Variants in UMODL1 observed in about 807,000 individuals in gnomAD.
The protein encoded by UMODL1 is uromodulin-like 1.
UMODL1 carries 128 observed loss-of-function variants against 136.3 expected under a neutral mutation model. That is an observed-to-expected ratio of 0.94 (90% CI 0.81 to 1.09). The LOEUF is 1.09. UMODL1 is among the 50% of genes least tolerant of loss of function. The probability of loss-of-function intolerance (pLI) is 0.00; values close to 1 mark genes in which losing one functional copy is unlikely to be tolerated. For missense variants in UMODL1, 1,766 were observed against 1,725.6 expected (o/e 1.02, Z -0.41); for synonymous variants, 721 against 720.0 (o/e 1.00, Z -0.02).
Position 42,111,587 on chromosome 21 carries a change from A to C in UMODL1, c.1981A>C (p.Thr661Pro). ...CACCGGCCACTTCCTGTGGCATGCCACCCGTTCCACCCGGGAAACACTTCT... is the reference window on the plus strand; with the variant it reads ...CACCGGCCACTTCCTGTGGCATGCCCCCCGTTCCACCCGGGAAACACTTCT... ...DPTGHFLWHA[T>P]RSTRETLLNP... Residue 661 changes from threonine (T) to proline (P), a missense_variant, in exon 12 of 23, where the codon ACC becomes CCC. Thr to Pro is a conservative substitution (Grantham distance 38, BLOSUM62 -1). Transcript: ENST00000408910. 1.2e-6 allele frequency: 2 copies of C among 1,613,950 alleles called. No individual in the cohort carries two copies. The highest frequency in any genetic ancestry group is 1.7e-6 in the Non-Finnish European group (2 of 1,179,956).
chr21:42,115,280 C>T (rs220139), intron 13 of UMODL1, among the ~76,000 whole-genome samples: 67,447 of 152,102 alleles, frequency 0.44, 16,233 homozygotes, highest in Non-Finnish European at 0.53. Context: ...GCCACATACT[C>T]CTAGAAGCCC....
intron 1 of UMODL1, among the ~76,000 whole-genome samples, chr21:42,064,337 G>A (rs537138045): frequency 1.6e-4 from 24 of 152,282 alleles, no homozygotes; most frequent in East Asian, 1.4e-3. Flanking sequence ...CCTGCCGGAC[G>A]GCCTCCGAAC....
intron 7 of UMODL1, among the ~76,000 whole-genome samples, chr21:42,100,760 C>T (rs1162411058): frequency 1.9e-5 from 2 of 103,374 alleles, no homozygotes; most frequent in East Asian, 5.9e-4. Context: ...CCAGCAACCC[C>T]ATGCCCTCCT....
intron 17 of UMODL1, among the ~76,000 whole-genome samples, chr21:42,125,081 G>A (rs1166703691): frequency 6.6e-6 from 1 of 152,156 alleles, no homozygotes; most frequent in Non-Finnish European, 1.5e-5. Context: ...TGGGGACAGG[G>A]CGGCCTCTGG....
At chr21:42,077,179 T>A (rs1014650971) in intron 2 of UMODL1, among the ~76,000 whole-genome samples, 4 of 151,698 alleles carry the variant, frequency 2.6e-5, no homozygotes, top group African/African-American at 9.7e-5. Context: ...GGCTCCAGCT[T>A]GGTGTTGGCC....
At chr21:42,125,271 G>T (rs1403810684) in intron 17 of UMODL1, among the ~76,000 whole-genome samples, 3 of 152,178 alleles carry the variant, frequency 2.0e-5, no homozygotes, top group Admixed American at 6.5e-5. Context: ...CAGGGGCTGA[G>T]GGATGAGGTG....
chr21:42,069,513 T>A (rs144043149), upstream of UMODL1, among the ~76,000 whole-genome samples: 28 of 152,150 alleles, frequency 1.8e-4, 1 homozygote, highest in East Asian at 5.4e-3. Context: ...AGCAGTGGAG[T>A]GGAGTGTGAA....
intron 21 of UMODL1, among the ~76,000 whole-genome samples, chr21:42,132,307 C>T (rs2067144641): frequency 6.6e-6 from 1 of 151,708 alleles, no homozygotes; most frequent in Non-Finnish European, 1.5e-5. Flanking sequence ...TCCATGCACT[C>T]ATCTATCATC....
In UMODL1 at chr21:42,085,228, C is replaced by T. The variant is rs545981916; in HGVS notation, c.482-63C>T. ...CCCTCTCCTGCCCCCTCTCCCACCC[C>T]AGCAGCTTTTGTGACTTCAACCTGT... is the stretch of plus-strand genomic sequence containing the variant. On this transcript the variant is annotated intron_variant, in intron 3 of 22. Coordinates refer to ENST00000408910, the MANE Select transcript of UMODL1 (RefSeq NM_001004416.3). This position sits in a 1 kb window ranked among gnomAD's most constrained non-coding sequence, Gnocchi z 4.5. The T allele has an allele frequency of 3.2e-6, 5 of 1,578,598 alleles. No homozygotes were observed. In the African/African-American group the frequency reaches 4.0e-5, roughly 13 times the overall value.
chr21:42,079,202 T>G (rs997775303), intron 2 of UMODL1, among the ~76,000 whole-genome samples: 1 of 152,152 alleles, frequency 6.6e-6, no homozygotes, highest in Non-Finnish European at 1.5e-5. Flanking sequence ...GCCCCACCCA[T>G]GCCCACCATC....
intron 1 of UMODL1, among the ~76,000 whole-genome samples, chr21:42,072,002 T>C (rs2066237309): frequency 6.6e-6 from 1 of 151,738 alleles, no homozygotes; most frequent in Non-Finnish European, 1.5e-5. Flanking sequence ...GAGCTAAGAT[T>C]GCTCCACTGC....
intron 8 of UMODL1, 28 bp from the exon 9 acceptor site, chr21:42,103,840 A>G (rs1168319720): frequency 6.2e-7 from 1 of 1,613,290 alleles, no homozygotes; most frequent in Non-Finnish European, 8.5e-7. Context: ...ACGTTGATGG[A>G]TGTCTGCTGT....
intron 22 of UMODL1, among the ~76,000 whole-genome samples, chr21:42,140,939 C>T (rs866167350): frequency 6.6e-6 from 1 of 152,272 alleles, no homozygotes; most frequent in South Asian, 2.1e-4. Context: ...GCCATGAAGA[C>T]CCCCTCCTCA....
Position 42,116,071 on chromosome 21 carries a change from A to G in UMODL1, c.2475+86A>G, listed in dbSNP as rs1014613480. 22 of 1,120,038 alleles carry G rather than the reference A, an allele frequency of 2.0e-5. No homozygotes were observed. The African/African-American group carries it at 3.4e-4, about 17-fold the overall frequency. The allele number at this position is 1,120,038 out of a possible 1,614,324, so 69.4% of individuals were successfully genotyped here. A position where few individuals can be genotyped will look rare whatever the true frequency, so the allele number is the denominator to read the frequency against. ...AATTCTAGGTTAGGCACGGTGGCTC[A>G]CCCCTGTAATCCTAGCACTTTGGGA... On this transcript the variant is annotated intron_variant, in intron 14 of 22. Transcript: ENST00000408910.
rs996571327 is a variant in UMODL1 at position 42,113,800 on chromosome 21, G to T, written c.2332G>T (p.Gly778Cys). ...CATGGCCAAAGCATGTGGGAAAGAA[G>T]GTGCCAGAGCTCATCTGAAAGTGAG... ...EIMAKACGKE[G>C]ARAHLKVRTA... Residue 778 changes from glycine to cysteine, a missense_variant, in exon 13 of 23, where the codon GGT becomes TGT. By Grantham distance (159) the Gly-to-Cys change is radical (BLOSUM62 -3). Transcript: ENST00000408910. 3.7e-6 allele frequency: 6 copies of T among 1,613,914 alleles called. No homozygotes were observed. Among genetic ancestry groups the T allele is most frequent in the Non-Finnish European group, 5.1e-6 (6 of 1,180,000 alleles).
chr21:42,080,749 G>C (rs969439537), intron 2 of UMODL1, among the ~76,000 whole-genome samples: 7 of 152,178 alleles, frequency 4.6e-5, no homozygotes, highest in Non-Finnish European at 1.0e-4. Context: ...TTTATCCAGG[G>C]CAGACATTTC....
At chr21:42,127,979 G>T in intron 20 of UMODL1, 148 bp downstream of exon 20, 2 of 1,011,928 alleles carry the variant, frequency 2.0e-6, no homozygotes. Flanking sequence ...CAGACTCCGC[G>T]TCTGAAATGG....
chr21:42,122,748 C>T lies in UMODL1; in HGVS notation c.2828-83C>T, dbSNP rs968015867. Reference sequence around the variant, plus strand: ...GGCTGCTGCAGAGTGCAGGGCAGCTCCAGTCTGCTCCTTACCCCTGCCCCT... The same window carrying T: ...GGCTGCTGCAGAGTGCAGGGCAGCTTCAGTCTGCTCCTTACCCCTGCCCCT... On this transcript the variant is annotated intron_variant, in intron 16 of 22. Transcript: ENST00000408910. The surrounding 1 kb of genome is among the most constrained non-coding windows in gnomAD (Gnocchi z 4.3). The T allele has an allele frequency of 7.1e-7, 1 of 1,403,548 alleles. No homozygotes were observed. The highest frequency in any genetic ancestry group is 1.4e-5 in the African/African-American group (1 of 69,150). The allele number at this position is 1,403,548 out of a possible 1,614,324, so 86.9% of individuals were successfully genotyped here. A position where few individuals can be genotyped will look rare whatever the true frequency, so the allele number is the denominator to read the frequency against.
intron 17 of UMODL1, among the ~76,000 whole-genome samples, chr21:42,124,776 C>T (rs981161692): frequency 1.3e-5 from 2 of 152,090 alleles, no homozygotes; most frequent in African/African-American, 2.4e-5. Context: ...TTGAGCAGTC[C>T]AAGGCATTGC....
Sources: allele counts gnomAD v4.1 joint callset (sites outside exome capture counted in the v4.1 genomes callset), GRCh38; gene constraint gnomAD v4.1.1; non-coding constraint Gnocchi (gnomAD v3.1); transcripts MANE v1.5; gene names NCBI Gene and HGNC (gene_info 2026-07-23, HGNC 2026-07-21).